Variants in ARHGAP5 observed in about 807,000 individuals in gnomAD.
ARHGAP5 encodes the protein rho GTPase-activating protein 5.
Under a neutral mutation model 116.6 loss-of-function variants are expected in ARHGAP5, and 23 were observed. The observed-to-expected ratio is 0.20, with a 90% CI of 0.14 to 0.28. The LOEUF is 0.28. ARHGAP5 is among the 10% of genes least tolerant of loss of function. ARHGAP5 has a pLI of 1.00. For missense variants in ARHGAP5, 1,405 were observed against 1,774.8 expected (o/e 0.79, Z 3.74); for synonymous variants, 574 against 602.0 (o/e 0.95, Z 0.68).
chr14:32,085,513 TTG>T (rs2041820135), intron 1 of ARHGAP5, among the ~76,000 whole-genome samples: 1 of 152,216 alleles, frequency 6.6e-6, no homozygotes. Context: ...CTTTTTGTTG[TTG>T]TTTTCTATTG....
intron 2 of ARHGAP5, among the ~76,000 whole-genome samples, chr14:32,115,918 C>G (rs1471418817): frequency 5.3e-5 from 8 of 151,320 alleles, no homozygotes; most frequent in Non-Finnish European, 1.0e-4. Context: ...TTGCTTGAAC[C>G]CGGGAGGCGG....
At chr14:32,126,044 G>A (rs897926277) in intron 3 of ARHGAP5, among the ~76,000 whole-genome samples, 2 of 152,090 alleles carry the variant, frequency 1.3e-5, no homozygotes, top group African/African-American at 4.8e-5. Flanking sequence ...TCTGTGAATA[G>A]GGATACCTTT....
At position 32,092,954 on chromosome 14, in the gene ARHGAP5, A is replaced by G. The variant is rs1168697412; in HGVS notation, c.2285A>G (p.Asp762Gly). ...TTGGAATCAGTTAAACACAATTTGG[A>G]TGTGGTGAGCCCAATTCCTGCCAAT... ...GVLESVKHNL[D>G]VVSPIPANKD... Residue 762 changes from aspartate (D) to glycine (G), a missense_variant, in exon 2 of 7, where the codon GAT becomes GGT. Physicochemically the swap from Asp to Gly is moderately conservative, Grantham distance 94 (BLOSUM62 -1). Around this residue, in one of 6 missense-constraint regions of ARHGAP5, gnomAD observed 944 missense variants for 1,095.3 expected, o/e 0.86. Transcript: ENST00000345122. This position sits in a 1 kb window ranked among gnomAD's most constrained non-coding sequence, Gnocchi z 4.1. The G allele has an allele frequency of 3.7e-6, 6 of 1,614,034 alleles. No individual in the cohort carries two copies. The highest frequency in any genetic ancestry group is 3.3e-5 in the Admixed American group (2 of 60,010).
intron 2 of ARHGAP5, among the ~76,000 whole-genome samples, chr14:32,113,229 A>T (rs1009858964): frequency 6.6e-6 from 1 of 152,242 alleles, no homozygotes; most frequent in Non-Finnish European, 1.5e-5. Context: ...ATGATTAAGA[A>T]CTATCACTTA....
At position 32,092,509 on chromosome 14, in the gene ARHGAP5, A is replaced by G. The variant is rs921915807; in HGVS notation, c.1840A>G (p.Ile614Val). 4 of 1,614,016 alleles carry G rather than the reference A, an allele frequency of 2.5e-6. No homozygotes were observed. The highest frequency in any genetic ancestry group is 1.3e-5 in the African/African-American group (1 of 75,052). Reference sequence around the variant, plus strand: ...CCTTGCCCAAGAACTAGCAAATGAGATAAGGACACAATCCACTGATGATGA... The same window carrying G: ...CCTTGCCCAAGAACTAGCAAATGAGGTAAGGACACAATCCACTGATGATGA... Reference protein sequence around the residue: ...DGLAQELANEIRTQSTDDEYA... With the variant: ...DGLAQELANEVRTQSTDDEYA... The change falls in exon 2 of 7, where the codon ATA (isoleucine) becomes GTA (valine). Residue 614 changes from isoleucine to valine, a missense_variant. Physicochemically the swap from Ile to Val is conservative, Grantham distance 29 (BLOSUM62 3). This residue lies in a region of ARHGAP5 where 944 missense variants were observed against 1,095.3 expected (regional missense o/e 0.86). Coordinates refer to ENST00000345122, the MANE Select transcript of ARHGAP5 (RefSeq NM_001030055.2). The surrounding 1 kb of genome is among the most constrained non-coding windows in gnomAD (Gnocchi z 4.1).
chr14:32,110,731 C>A (rs955348247), intron 2 of ARHGAP5, among the ~76,000 whole-genome samples: 1 of 152,010 alleles, frequency 6.6e-6, no homozygotes, highest in African/African-American at 2.4e-5. Context: ...ATGCAGTAAT[C>A]CATATATGTG....
rs1287957080 is a variant in ARHGAP5, at chr14:32,159,014, G to A, written c.*4066G>A. On this transcript the variant is annotated 3_prime_UTR_variant, in exon 7 of 7. Transcript: ENST00000345122. ...AGTTTTCTTTGTCAGGGGGAGAGGAGTGGGAAGAGTCACAGAATCTCATAT... is the reference window on the plus strand; with the variant it reads ...AGTTTTCTTTGTCAGGGGGAGAGGAATGGGAAGAGTCACAGAATCTCATAT... The A allele has an allele frequency of 2.0e-5, 3 of 152,066 alleles. No individual in the cohort carries two copies. The highest frequency in any genetic ancestry group is 7.2e-5 in the African/African-American group (3 of 41,438). 9.4% of individuals were successfully genotyped at this position (152,066 alleles called of 1,614,324 possible). A position where few individuals can be genotyped will look rare whatever the true frequency, so the allele number is the denominator to read the frequency against.
intron 5 of ARHGAP5, among the ~76,000 whole-genome samples, chr14:32,150,711 T>G (rs962504148): frequency 6.6e-6 from 1 of 152,198 alleles, no homozygotes; most frequent in Non-Finnish European, 1.5e-5. Flanking sequence ...ATTCCACCTC[T>G]CAACACTGTT....
intron 3 of ARHGAP5, among the ~76,000 whole-genome samples, chr14:32,138,759 C>T (rs189864384): frequency 8.5e-5 from 13 of 152,250 alleles, no homozygotes; most frequent in Admixed American, 5.9e-4. Context: ...CAGACATACT[C>T]GTTTTGTTCT....
chr14:32,142,730 C>T (rs1052909677), intron 3 of ARHGAP5, among the ~76,000 whole-genome samples: 6 of 152,208 alleles, frequency 3.9e-5, no homozygotes, highest in Admixed American at 2.6e-4. Context: ...TCATGATTGT[C>T]ACTAATCTGG....
Position 32,156,784 on chromosome 14 carries a change from G to A in ARHGAP5, c.*1836G>A, listed in dbSNP as rs973562244. On this transcript the variant is annotated 3_prime_UTR_variant, in exon 7 of 7. Transcript: ENST00000345122. ...TAAGAGTTTTATAAACTGTTTCTAG[G>A]TTGCTAAAGAATTTATTTTTCTACT... is the stretch of plus-strand genomic sequence containing the variant. 1 of 152,238 alleles carries A rather than the reference G, an allele frequency of 6.6e-6. No homozygotes were observed. The highest frequency in any genetic ancestry group is 1.5e-5 in the Non-Finnish European group (1 of 67,798). The allele number at this position is 152,238 out of a possible 1,614,324, so 9.4% of individuals were successfully genotyped here.
At chr14:32,130,499 G>A (rs1295435536) in intron 3 of ARHGAP5, among the ~76,000 whole-genome samples, 2 of 151,478 alleles carry the variant, frequency 1.3e-5, no homozygotes, top group African/African-American at 4.9e-5. Context: ...TGGGATTACA[G>A]GTGTGAACCA....
At chr14:32,099,781 G>A (rs1043947482) in intron 2 of ARHGAP5, among the ~76,000 whole-genome samples, 1 of 152,038 alleles carries the variant, frequency 6.6e-6, no homozygotes, top group African/African-American at 2.4e-5. Flanking sequence ...CATAGTTTAG[G>A]AATGTTTTCT....
intron 2 of ARHGAP5, among the ~76,000 whole-genome samples, chr14:32,098,641 T>C (rs1207954263): frequency 6.6e-6 from 1 of 152,174 alleles, no homozygotes; most frequent in Non-Finnish European, 1.5e-5. Flanking sequence ...ATATAGTCTG[T>C]TGTACCTGGT....
At chr14:32,141,107 T>C (rs1006753440) in intron 3 of ARHGAP5, among the ~76,000 whole-genome samples, 2 of 152,238 alleles carry the variant, frequency 1.3e-5, no homozygotes, top group South Asian at 4.1e-4. Flanking sequence ...CTATTTTTTC[T>C]GATACTAGGA....
rs145078281 is a variant in ARHGAP5, at chr14:32,138,726, A to G, written c.3866-7537A>G. ...TTTCCTTGCCTAAAACTCCAGTGTA[A>G]TGTTAAACGGAAGTGGCAAAAACAG... On this transcript the variant is annotated intron_variant, in intron 3 of 6. Transcript: ENST00000345122. 1.6e-4 allele frequency among the ~76,000 whole-genome samples: 25 copies of G among 152,280 alleles called. No individual in the cohort carries two copies. In the East Asian group the frequency reaches 4.8e-3, roughly 29 times the overall value.
intron 3 of ARHGAP5, among the ~76,000 whole-genome samples, chr14:32,145,343 G>C (rs1430370350): frequency 6.6e-6 from 1 of 152,206 alleles, no homozygotes; most frequent in African/African-American, 2.4e-5. Context: ...ACAAGAGTGA[G>C]GAGGGACTCC....
chr14:32,103,087 A>G (rs991837089), intron 2 of ARHGAP5, among the ~76,000 whole-genome samples: 1 of 152,224 alleles, frequency 6.6e-6, no homozygotes, highest in Admixed American at 6.5e-5. Context: ...TTCCTGGGTA[A>G]CTGGCTAAAT....
At chr14:32,132,794 T>G (rs1880574241) in intron 3 of ARHGAP5, among the ~76,000 whole-genome samples, 1 of 152,212 alleles carries the variant, frequency 6.6e-6, no homozygotes, top group Non-Finnish European at 1.5e-5. Context: ...AGTTTCAGCT[T>G]TGTACATATG....
Sources: gnomAD v4.1 joint callset for allele counts (sites outside exome capture counted in the v4.1 genomes callset) on GRCh38, gnomAD v4.1.1 for gene constraint, gnomAD v4.1.1 regional missense constraint, Gnocchi (gnomAD v3.1) non-coding constraint, MANE v1.5 for transcripts, NCBI Gene and HGNC (gene_info 2026-07-23, HGNC 2026-07-21) for gene names.